The following RORA variants were observed in gnomAD, a reference collection of about 807,000 sequenced individuals.
The protein encoded by RORA is nuclear receptor ROR-alpha.
In RORA, 7 loss-of-function variants were observed where a neutral mutation model predicts 69.5. That is an observed-to-expected ratio of 0.10 (90% CI 0.06 to 0.19). The LOEUF is 0.19. Among genes scored for constraint, RORA ranks in the 10% least tolerant of loss-of-function variants. The pLI is 1.00. For missense variants in RORA, 457 were observed against 663.0 expected, an observed-to-expected ratio of 0.69 and a Z score of 3.41; for synonymous variants, 261 against 240.8, an observed-to-expected ratio of 1.08 and a Z score of -0.78.
intron 2 of RORA, among the ~76,000 whole-genome samples, chr15:60,578,930 ATT>A (rs1298999388): frequency 2.6e-5 from 4 of 151,654 alleles, no homozygotes; most frequent in Non-Finnish European, 5.9e-5. Flanking sequence ...TGCCCAGCTA[ATT>A]TTTTGTATTT....
At chr15:60,592,260 C>T in intron 2 of RORA, 2 of 577,536 alleles carry the variant, frequency 3.5e-6, no homozygotes, top group Non-Finnish European at 4.9e-6. Context: ...CCTGGCAGGG[C>T]CCCCGCGCCG....
chr15:60,937,295 C>T (rs1353037825), intron 1 of RORA, among the ~76,000 whole-genome samples: 2 of 152,232 alleles, frequency 1.3e-5, no homozygotes, highest in South Asian at 2.1e-4. Context: ...TAGCACTGAG[C>T]TTGAGTATGG....
chr15:60,629,017 A>G (rs1000318839), intron 2 of RORA, among the ~76,000 whole-genome samples: 3 of 151,356 alleles, frequency 2.0e-5, no homozygotes, highest in Non-Finnish European at 4.4e-5. Context: ...AGGTATTTCT[A>G]CCCCTCTTCT....
chr15:60,985,565 G>A (rs1313793037), intron 1 of RORA, among the ~76,000 whole-genome samples: 1 of 147,136 alleles, frequency 6.8e-6, no homozygotes, highest in Non-Finnish European at 1.5e-5. Context: ...TCTTGTGCTA[G>A]GTAAGAAACT....
chr15:60,827,772 G>A (rs906311816), intron 1 of RORA, among the ~76,000 whole-genome samples: 1 of 152,150 alleles, frequency 6.6e-6, no homozygotes, highest in South Asian at 2.1e-4. Flanking sequence ...CGTGAGCCTG[G>A]GGCTGCTGAT....
Position 61,131,845 on chromosome 15 carries a change from C to A in RORA, c.166+97208G>T, listed in dbSNP as rs1177542188. 6.6e-6 allele frequency among the ~76,000 whole-genome samples: 1 copy of A among 152,194 alleles called. No individual in the cohort carries two copies. Among genetic ancestry groups the A allele is most frequent in the Non-Finnish European group, 1.5e-5 (1 of 68,032 alleles). ...AACGGATGTGTAACTCTAAGCAAGT[C>A]ATTTCTCCTTTTTTTGGTAAAATTT... On this transcript the variant is annotated intron_variant, in intron 1 of 10. Transcript: ENST00000335670. This position sits in a 1 kb window ranked among gnomAD's most constrained non-coding sequence, Gnocchi z 4.2.
chr15:60,649,119 A>C (rs7342651), intron 2 of RORA, among the ~76,000 whole-genome samples: 5,012 of 152,082 alleles, frequency 0.033, 123 homozygotes, highest in East Asian at 0.084. Context: ...ATAGCCCGTC[A>C]CTTTTGTGGC....
intron 1 of RORA, among the ~76,000 whole-genome samples, chr15:61,026,716 G>A (rs551834678): frequency 3.6e-4 from 55 of 152,254 alleles, no homozygotes; most frequent in African/African-American, 1.3e-3. Flanking sequence ...AGTTTAAACA[G>A]GAATAGATGA....
At chr15:60,684,921 AAT>A (rs35961068) in intron 1 of RORA, among the ~76,000 whole-genome samples, 124,572 of 152,010 alleles carry the variant, frequency 0.82, 51,206 homozygotes, top group Admixed American at 0.86. Context: ...CGCTTGGGCA[AAT>A]ATAGCTTAAC....
chr15:61,212,721 T>C (rs1053193031), intron 1 of RORA, among the ~76,000 whole-genome samples: 2 of 152,190 alleles, frequency 1.3e-5, no homozygotes, highest in African/African-American at 4.8e-5. Flanking sequence ...CTTATGTAGA[T>C]GTAGGGTCTC....
At chr15:61,107,872 C>A (rs974469047) in intron 1 of RORA, among the ~76,000 whole-genome samples, 2 of 152,048 alleles carry the variant, frequency 1.3e-5, no homozygotes, top group African/African-American at 4.8e-5. Context: ...CTCCATCCAC[C>A]AGTAACCTTC....
At chr15:60,611,103 A>G (rs769048943) in intron 2 of RORA, among the ~76,000 whole-genome samples, 1 of 152,174 alleles carries the variant, frequency 6.6e-6, no homozygotes, top group African/African-American at 2.4e-5. Context: ...AGTTAAAGGG[A>G]ATTTGCATTT....
chr15:60,927,019 A>G (rs890024286), intron 1 of RORA, among the ~76,000 whole-genome samples: 4 of 152,180 alleles, frequency 2.6e-5, no homozygotes, highest in Non-Finnish European at 5.9e-5. Context: ...TGTGTTGTTG[A>G]TATCAGGAAA....
intron 1 of RORA, among the ~76,000 whole-genome samples, chr15:60,997,264 C>T (rs2140376391): frequency 6.6e-6 from 1 of 152,176 alleles, no homozygotes; most frequent in East Asian, 1.9e-4. Flanking sequence ...GATAGCACTT[C>T]AGAGGTGAAA....
At chr15:61,038,158 C>G (rs1017785357) in intron 1 of RORA, among the ~76,000 whole-genome samples, 17 of 152,278 alleles carry the variant, frequency 1.1e-4, no homozygotes, top group African/African-American at 4.1e-4. Context: ...AGCAAACCCT[C>G]TGCATTAATA....
At chr15:60,738,674 G>T (rs1337198393) in intron 1 of RORA, among the ~76,000 whole-genome samples, 1 of 152,118 alleles carries the variant, frequency 6.6e-6, no homozygotes, top group Non-Finnish European at 1.5e-5. Flanking sequence ...AAATAGTTTT[G>T]TTGGTCCCTA....
chr15:60,720,987 C>T (rs756267782), intron 1 of RORA, among the ~76,000 whole-genome samples: 1 of 152,160 alleles, frequency 6.6e-6, no homozygotes, highest in Admixed American at 6.5e-5. Context: ...TTCCTGCCCC[C>T]ACACCTGAGA....
intron 1 of RORA, among the ~76,000 whole-genome samples, chr15:60,820,966 C>A (rs78461015): frequency 7.9e-6 from 1 of 126,808 alleles, no homozygotes; most frequent in Admixed American, 9.1e-5. Flanking sequence ...CCCCACCCCC[C>A]ACCCCAGCTC....
At chr15:60,743,016 AT>A (rs33922947) in intron 1 of RORA, among the ~76,000 whole-genome samples, 1,487 of 105,152 alleles carry the variant, frequency 0.014, 11 homozygotes, top group Middle Eastern at 0.034. Context: ...CATTCATTCT[AT>A]TTTTTTTTTT....
Sources: gnomAD v4.1 joint callset for allele counts (sites outside exome capture counted in the v4.1 genomes callset) on GRCh38, gnomAD v4.1.1 for gene constraint, Gnocchi (gnomAD v3.1) non-coding constraint, MANE v1.5 for transcripts, NCBI Gene and HGNC (gene_info 2026-07-23, HGNC 2026-07-21) for gene names.